TNRC6A: variants seen among roughly 807,000 people sequenced by gnomAD.
TNRC6A encodes trinucleotide repeat-containing gene 6A protein.
TNRC6A carries 44 observed loss-of-function variants against 221.2 expected under a neutral mutation model. The observed-to-expected ratio is 0.20, with a 90% CI of 0.16 to 0.26. The LOEUF is 0.26. Ranked by LOEUF, TNRC6A falls within the 10% of genes least tolerant of loss-of-function variation. The pLI is 1.00. For missense variants in TNRC6A, 2,199 were observed against 2,404.4 expected (o/e 0.91, Z 1.79); for synonymous variants, 847 against 838.5 (o/e 1.01, Z -0.18).
chr16:24,690,629 A>G (rs1040066235), intron 2 of TNRC6A, among the ~76,000 whole-genome samples: 7 of 152,174 alleles, frequency 4.6e-5, no homozygotes, highest in Admixed American at 6.6e-5. Flanking sequence ...AAAATGGCAC[A>G]GTGGCAGTAG....
At chr16:24,625,592 G>A (rs891109712) in intron 1 of TNRC6A, among the ~76,000 whole-genome samples, 14 of 152,024 alleles carry the variant, frequency 9.2e-5, no homozygotes, top group Non-Finnish European at 1.6e-4. Flanking sequence ...CGGGCGCGGT[G>A]GCGGGCGCCT....
In TNRC6A at chr16:24,631,569, C is replaced by G. The variant is rs562582852; in HGVS notation, n.277-9315C>G. Among the ~76,000 whole-genome samples the G allele has an allele frequency of 2.0e-3, 301 of 152,064 alleles. 3 individuals are homozygous for G. In the Middle Eastern group the frequency reaches 0.024, roughly 12 times the overall value. ...GGTGGATCACTTGAGGTTAAGAGTT[C>G]GAGACCAGCCTGGCCAACACGGCAA... On this transcript the variant is annotated intron_variant and non_coding_transcript_variant, in intron 1 of 2. Transcript: ENST00000566108.
chr16:24,804,364 T>C, intron 12 of TNRC6A, 45 bp downstream of exon 12: 1 of 1,570,348 alleles, frequency 6.4e-7, no homozygotes, highest in Non-Finnish European at 8.6e-7. Context: ...ACCAGTATAC[T>C]TCATAGCGTA....
At chr16:24,632,423 C>T (rs999114558) in intron 1 of TNRC6A, among the ~76,000 whole-genome samples, 2 of 152,134 alleles carry the variant, frequency 1.3e-5, no homozygotes, top group African/African-American at 2.4e-5. Flanking sequence ...TCCTTATTGT[C>T]GCCACACCCC....
intron 2 of TNRC6A, among the ~76,000 whole-genome samples, chr16:24,642,584 G>A (rs1359787008): frequency 1.3e-5 from 2 of 152,166 alleles, no homozygotes; most frequent in Non-Finnish European, 2.9e-5. Context: ...TTGGGAGGCC[G>A]AGGTGGGAGG....
At chr16:24,809,624 T>A in intron 18 of TNRC6A, 143 bp downstream of exon 18, 1 of 1,044,688 alleles carries the variant, frequency 9.6e-7, no homozygotes, top group African/African-American at 1.6e-5. Context: ...AAGTTGTTAT[T>A]AAGTCTTAGT....
intron 22 of TNRC6A, 36 bp downstream of exon 22, chr16:24,820,396 A>G (rs747392934): frequency 1.3e-6 from 2 of 1,596,432 alleles, no homozygotes; most frequent in South Asian, 2.2e-5. Flanking sequence ...TCTGTGGTTT[A>G]TTTGCTAAAC....
At chr16:24,705,781 C>T (rs555513345) in intron 2 of TNRC6A, among the ~76,000 whole-genome samples, 3 of 152,248 alleles carry the variant, frequency 2.0e-5, no homozygotes, top group East Asian at 3.9e-4. Context: ...ATGTTGCACA[C>T]TAGAAGCATT....
chr16:24,795,847 C>G (rs1295672025), intron 8 of TNRC6A, 60 bp from the exon 9 acceptor site: 1 of 1,473,132 alleles, frequency 6.8e-7, no homozygotes, highest in African/African-American at 1.4e-5. Flanking sequence ...TCTTCCAGTT[C>G]CAAACCCCAT....
exon 1 of TNRC6A, chr16:24,610,460 T>C (rs1201249151): frequency 2.0e-5 from 3 of 152,306 alleles, no homozygotes; most frequent in Non-Finnish European, 4.4e-5. Context: ...CCCCATCATT[T>C]TGCAGCCCAC....
chr16:24,638,632 G>A (rs530782680), intron 1 of TNRC6A, among the ~76,000 whole-genome samples: 169 of 151,972 alleles, frequency 1.1e-3, no homozygotes, highest in African/African-American at 4.0e-3. Context: ...AGAATCACTT[G>A]AACCCAGGAG....
rs2058826431 is a variant in TNRC6A, at chr16:24,824,126, A to ACCCAC, written c.*322_*323insACCCC. 1 of 25,978 alleles carries ACCCAC rather than the reference A, an allele frequency of 3.8e-5. No homozygotes were observed. Among genetic ancestry groups the ACCCAC allele is most frequent in the African/African-American group, 1.4e-4 (1 of 7,240 alleles). The allele number at this position is 25,978 out of a possible 1,614,324, so 1.6% of individuals were successfully genotyped here. A position where few individuals can be genotyped will look rare whatever the true frequency, so the allele number is the denominator to read the frequency against. On this transcript the variant is annotated 3_prime_UTR_variant, in exon 25 of 25. Coordinates refer to ENST00000395799, the MANE Select transcript of TNRC6A (RefSeq NM_014494.4). ...TTTTTTTTCCTTCTATTCCTCCCCA[A>ACCCAC]CCCCCCCCCCCGCCCCTTTTTTTCT... is the stretch of plus-strand genomic sequence containing the variant.
chr16:24,723,674 T>C (rs1236448537), intron 2 of TNRC6A, among the ~76,000 whole-genome samples: 3 of 151,794 alleles, frequency 2.0e-5, no homozygotes, highest in African/African-American at 7.3e-5. Context: ...CCTCCCTCAC[T>C]GGACATTCAC....
rs767703736 is a variant in TNRC6A at position 24,790,939 on chromosome 16, G to A, written c.2297G>A (p.Cys766Tyr). The stretch of plus-strand genomic sequence containing the variant: ...ACACAGACTTTTAACTCAGGGGCAT[G>A]TATAGATAAGACTAGCCCTAATGGT... The part of the protein sequence containing the change: ...SATQTFNSGA[C>Y]IDKTSPNGND... Residue 766 changes from cysteine to tyrosine, a missense_variant, in exon 6 of 25, where the codon TGT becomes TAT. Transcript: ENST00000395799. 4.3e-6 allele frequency: 7 copies of A among 1,613,512 alleles called. No individual in the cohort carries two copies. The highest frequency in any genetic ancestry group is 5.9e-6 in the Non-Finnish European group (7 of 1,179,728).
At chr16:24,655,803 A>T (rs1567329040) in intron 2 of TNRC6A, among the ~76,000 whole-genome samples, 2 of 152,182 alleles carry the variant, frequency 1.3e-5, no homozygotes, top group Admixed American at 6.6e-5. Flanking sequence ...AAGAAACAGG[A>T]TTTAAATAAC....
chr16:24,727,042 T>C (rs577880630), upstream of TNRC6A, among the ~76,000 whole-genome samples: 129 of 150,452 alleles, frequency 8.6e-4, no homozygotes, highest in Admixed American at 2.0e-3. Context: ...TTTTTTTTTT[T>C]CCCTAAGGTG....
chr16:24,780,252 T>C (rs2057811986), intron 5 of TNRC6A, among the ~76,000 whole-genome samples: 1 of 152,210 alleles, frequency 6.6e-6, no homozygotes, highest in South Asian at 2.1e-4. Context: ...CATCTTGACT[T>C]GACACACCTC....
At chr16:24,634,299 G>A (rs1901510568) in intron 1 of TNRC6A, among the ~76,000 whole-genome samples, 1 of 152,052 alleles carries the variant, frequency 6.6e-6, no homozygotes, top group Non-Finnish European at 1.5e-5. Flanking sequence ...GCATGGTGGT[G>A]CATGCCCGTA....
At chr16:24,659,036 T>C (rs1477435964) in intron 2 of TNRC6A, among the ~76,000 whole-genome samples, 1 of 152,042 alleles carries the variant, frequency 6.6e-6, no homozygotes. Flanking sequence ...CTTGAACTCC[T>C]GAGCTCAAGC....
Sources: allele counts gnomAD v4.1 joint callset (sites outside exome capture counted in the v4.1 genomes callset), GRCh38; gene constraint gnomAD v4.1.1; transcripts MANE v1.5; gene names NCBI Gene and HGNC (gene_info 2026-07-23, HGNC 2026-07-21).